PIAS2: variants seen among roughly 807,000 people sequenced by gnomAD.
PIAS2 encodes the protein E3 SUMO-protein ligase PIAS2.
PIAS2 carries 19 observed loss-of-function variants against 69.7 expected under a neutral mutation model. The observed-to-expected ratio is 0.27, with a 90% confidence interval of 0.19 to 0.40. The LOEUF (loss-of-function observed/expected upper bound fraction) is 0.40, where lower values mean the gene tolerates loss of function less well. PIAS2 is among the 10% of genes least tolerant of loss of function. The pLI is 1.00. For missense variants in PIAS2, 624 were observed against 757.0 expected, an observed-to-expected ratio of 0.82 and a Z score of 2.06; for synonymous variants, 261 against 263.2, an observed-to-expected ratio of 0.99 and a Z score of 0.08.
chr18:46,833,001 G>A (rs1444291265), intron 9 of PIAS2, among the ~76,000 whole-genome samples: 1 of 152,024 alleles, frequency 6.6e-6, no homozygotes, highest in East Asian at 1.9e-4. Flanking sequence ...AACCGCTTTG[G>A]AAAACAGTTT....
intron 2 of PIAS2, among the ~76,000 whole-genome samples, chr18:46,887,068 G>A (rs980020981): frequency 6.6e-6 from 1 of 152,032 alleles, no homozygotes; most frequent in Non-Finnish European, 1.5e-5. Context: ...ATGTTATCAA[G>A]AGTCTAAAAC....
At chr18:46,877,182 CCCCACCA>C (rs2145805631) in intron 2 of PIAS2, among the ~76,000 whole-genome samples, 1 of 152,238 alleles carries the variant, frequency 6.6e-6, no homozygotes, top group South Asian at 2.1e-4. Context: ...TTTTCAATCT[CCCCACCA>C]CCTTATTCAG....
chr18:46,885,456 G>C (rs62095382), intron 2 of PIAS2, among the ~76,000 whole-genome samples: 22,075 of 151,856 alleles, frequency 0.15, 2,027 homozygotes, highest in Non-Finnish European at 0.21. Flanking sequence ...GGGAGGCGGA[G>C]GTTGCAGCTA....
Position 46,864,130 on chromosome 18 carries a change from T to C in PIAS2, c.584+34A>G, listed in dbSNP as rs201332652. 150 of 1,247,700 alleles carry C rather than the reference T, an allele frequency of 1.2e-4. No homozygotes were observed. The African/African-American group carries it at 2.2e-3, about 18-fold the overall frequency. The allele number at this position is 1,247,700 out of a possible 1,614,324, so 77.3% of individuals were successfully genotyped here. On this transcript the variant is annotated intron_variant, in intron 3 of 13. Coordinates refer to ENST00000585916, the MANE Select transcript of PIAS2 (RefSeq NM_004671.5). ...AGCCCTACAGGTGAATAAACCAATATTCATGAGAAATATATTCCAAATATT... is the reference window on the plus strand; with the variant it reads ...AGCCCTACAGGTGAATAAACCAATACTCATGAGAAATATATTCCAAATATT...
Position 46,890,896 on chromosome 18 carries a change from A to G in PIAS2, c.183T>C (p.Tyr61=). ...PAVQIKIREL[Y]RRRYPRTLEG... ...CAAGAGTTCGTGGATATCGGCGTCT[A>G]TACAATTCTCGGATTTTAATCTGAA... The change falls in exon 2 of 14, where the codon TAT becomes TAC. Residue 61 remains tyrosine, a synonymous_variant. Transcript: ENST00000585916. The G allele has an allele frequency of 6.2e-7, 1 of 1,614,226 alleles. No individual in the cohort carries two copies. The highest frequency in any genetic ancestry group is 8.5e-7 in the Non-Finnish European group (1 of 1,180,040).
At chr18:46,845,617 T>C (rs1437156234) in intron 6 of PIAS2, among the ~76,000 whole-genome samples, 1 of 151,616 alleles carries the variant, frequency 6.6e-6, no homozygotes, top group African/African-American at 2.4e-5. Flanking sequence ...CAAAATATAA[T>C]TTCACATAAA....
chr18:46,810,282 A>G lies in PIAS2; in HGVS notation c.*2151T>C, dbSNP rs2040915508. 1 of 152,180 alleles carries G rather than the reference A, an allele frequency of 6.6e-6. No individual in the cohort carries two copies. Among genetic ancestry groups the G allele is most frequent in the African/African-American group, 2.4e-5 (1 of 41,456 alleles). The allele number at this position is 152,180 out of a possible 1,614,324, so 9.4% of individuals were successfully genotyped here. ...TAAACTAATTTCTATTAATATTTTC[A>G]TTTACTTTATAAAACTTTGTTGATT... On this transcript the variant is annotated 3_prime_UTR_variant, in exon 14 of 14. Transcript: ENST00000585916.
chr18:46,870,100 C>T (rs2050099541), intron 2 of PIAS2, among the ~76,000 whole-genome samples: 1 of 152,106 alleles, frequency 6.6e-6, no homozygotes, highest in African/African-American at 2.4e-5. Context: ...TGCCCCAATG[C>T]CCCGTGCCCT....
chr18:46,898,930 G>A (rs915947878), intron 1 of PIAS2, among the ~76,000 whole-genome samples: 4 of 151,860 alleles, frequency 2.6e-5, no homozygotes, highest in Non-Finnish European at 4.4e-5. Flanking sequence ...GGGAGGCGGA[G>A]GTTGCAGTTA....
intron 12 of PIAS2, chr18:46,818,067 A>G: frequency 1.0e-6 from 1 of 997,088 alleles, no homozygotes; most frequent in Non-Finnish European, 1.2e-6. Context: ...TAGTGTTAAC[A>G]TTATTTTATT....
chr18:46,857,763 A>G (rs2048051839), intron 3 of PIAS2, among the ~76,000 whole-genome samples: 1 of 152,240 alleles, frequency 6.6e-6, no homozygotes. Context: ...CACAAACATT[A>G]TGAGTAATGA....
rs1599004343 is a variant in PIAS2, at chr18:46,901,731, A to G, written c.25-10677T>C. 2.0e-5 allele frequency among the ~76,000 whole-genome samples: 3 copies of G among 152,366 alleles called. No individual in the cohort carries two copies. The South Asian group carries it at 6.2e-4, about 32-fold the overall frequency. On this transcript the variant is annotated intron_variant, in intron 1 of 13. Coordinates refer to ENST00000585916, the MANE Select transcript of PIAS2 (RefSeq NM_004671.5). ...CATTTCACAAATTCAACACCTGTTC[A>G]TGATTTAAAAACCCTCAAAAACAAG...
chr18:46,899,850 A>G (rs1193626397), intron 1 of PIAS2, among the ~76,000 whole-genome samples: 1 of 90,568 alleles, frequency 1.1e-5, no homozygotes. Context: ...TACTATATGA[A>G]GTAACTATCA....
At chr18:46,826,939 A>C (rs2042922513) in intron 11 of PIAS2, 1 of 152,200 alleles carries the variant, frequency 6.6e-6, no homozygotes, top group Non-Finnish European at 1.5e-5. Flanking sequence ...ACACAAAAAA[A>C]CGATTGCCTA....
chr18:46,842,284 A>C (rs1280660324), intron 8 of PIAS2, among the ~76,000 whole-genome samples: 1 of 151,866 alleles, frequency 6.6e-6, no homozygotes, highest in African/African-American at 2.4e-5. Context: ...ATGCAAAAAA[A>C]AAAAAAAAAA....
chr18:46,873,443 A>G (rs988127015), intron 2 of PIAS2, among the ~76,000 whole-genome samples: 7 of 152,240 alleles, frequency 4.6e-5, no homozygotes, highest in African/African-American at 1.2e-4. Context: ...TAATTGGGGG[A>G]AAAAGGAGTA....
At position 46,806,826 on chromosome 18, in the gene PIAS2, C is replaced by T. The variant is rs1213743109; in HGVS notation, c.*5607G>A. ...TGCTATTCTACAACACGGTAACACT[C>T]TTCGTCACTTAAAATAATTAAGCTT... On this transcript the variant is annotated 3_prime_UTR_variant, in exon 14 of 14. Transcript: ENST00000585916. The T allele has an allele frequency of 6.6e-6, 1 of 152,152 alleles. No homozygotes were observed. The highest frequency in any genetic ancestry group is 1.5e-5 in the Non-Finnish European group (1 of 68,028). 9.4% of individuals were successfully genotyped at this position (152,152 alleles called of 1,614,324 possible).
chr18:46,854,238 T>C (rs1179750051), intron 5 of PIAS2, among the ~76,000 whole-genome samples: 2 of 152,166 alleles, frequency 1.3e-5, no homozygotes, highest in East Asian at 3.9e-4. Flanking sequence ...TAGATCATAT[T>C]GTCTGACTTG....
chr18:46,866,372 C>A (rs1032434674), intron 2 of PIAS2, among the ~76,000 whole-genome samples: 1 of 152,124 alleles, frequency 6.6e-6, no homozygotes, highest in African/African-American at 2.4e-5. Context: ...CAATATAGGC[C>A]AGAAGGTATC....
Sources: allele counts gnomAD v4.1 joint callset (sites outside exome capture counted in the v4.1 genomes callset), GRCh38; gene constraint gnomAD v4.1.1; transcripts MANE v1.5; gene names NCBI Gene and HGNC (gene_info 2026-07-23, HGNC 2026-07-21).